SNAP91: variants seen among roughly 807,000 people sequenced by gnomAD.
SNAP91 encodes synaptosome associated protein 91, also known as clathrin coat assembly protein AP180.
In SNAP91, 27 loss-of-function variants were observed where a neutral mutation model predicts 100.3. The observed-to-expected ratio is 0.27, with a 90% CI of 0.20 to 0.37. SNAP91 has a LOEUF of 0.37. Ranked by LOEUF, SNAP91 falls within the 10% of genes least tolerant of loss-of-function variation. SNAP91 has a pLI of 1.00. For synonymous variants in SNAP91, 404 were observed against 398.6 expected (o/e 1.01, Z -0.16); for missense variants, 986 against 1,123.7 (o/e 0.88, Z 1.75).
intron 2 of SNAP91, among the ~76,000 whole-genome samples, chr6:83,665,930 C>T (rs1475726738): frequency 1.3e-5 from 2 of 152,076 alleles, no homozygotes; most frequent in Non-Finnish European, 2.9e-5. Context: ...GCTATAAGCA[C>T]AATGTCTCAA....
Position 83,593,479 on chromosome 6 carries a change from A to G in SNAP91, c.1695T>C (p.Gly565=). Residue 565 remains glycine, a splice_region_variant and synonymous_variant, in exon 18 of 30, where the codon GGT becomes GGC. Transcript: ENST00000369694. ...TTAPPALDIF[G]DLFESTPEVA... ...TCGACAACAATAACAAAAAATTACC[A>G]CCAAAGATATCTAGAGCAGGAGGAG... is the stretch of plus-strand genomic sequence containing the variant. The G allele has an allele frequency of 6.5e-7, 1 of 1,550,310 alleles. No homozygotes were observed. Among genetic ancestry groups the G allele is most frequent in the Non-Finnish European group, 8.7e-7 (1 of 1,145,812 alleles).
intron 8 of SNAP91, 138 bp downstream of exon 8, chr6:83,640,958 A>G (rs963244938): frequency 1.0e-5 from 5 of 480,744 alleles, no homozygotes; most frequent in Non-Finnish European, 1.8e-5. Flanking sequence ...GTCACTTCCA[A>G]CCTTAATATA....
At chr6:83,602,889 C>G (rs555355201) in intron 14 of SNAP91, among the ~76,000 whole-genome samples, 1 of 152,014 alleles carries the variant, frequency 6.6e-6, no homozygotes, top group African/African-American at 2.4e-5. Context: ...ATAATGCATG[C>G]GGGGCTTAAA....
At chr6:83,630,841 G>A (rs1302663534) in intron 8 of SNAP91, among the ~76,000 whole-genome samples, 1 of 150,096 alleles carries the variant, frequency 6.7e-6, no homozygotes, top group African/African-American at 2.4e-5. Context: ...ACTTCATTTA[G>A]TTTTGCTCTG....
intron 16 of SNAP91, among the ~76,000 whole-genome samples, chr6:83,596,361 C>G (rs1051431594): frequency 3.9e-5 from 6 of 152,176 alleles, no homozygotes; most frequent in Admixed American, 6.5e-5. Context: ...TAGAGCAACA[C>G]ACCCTCTACA....
chr6:83,603,080 G>A (rs943540032), intron 14 of SNAP91, among the ~76,000 whole-genome samples: 5 of 152,142 alleles, frequency 3.3e-5, no homozygotes, highest in African/African-American at 1.2e-4. Flanking sequence ...TCTTGGGTAA[G>A]TGTAGTGATG....
chr6:83,690,481 T>G, intron 2 of SNAP91: 4 of 1,133,650 alleles, frequency 3.5e-6, no homozygotes, highest in Non-Finnish European at 4.7e-6. Flanking sequence ...AAGAAAATAC[T>G]CAACTCTCTG....
In SNAP91 at chr6:83,576,053, T is replaced by G. The variant is rs994699103; in HGVS notation, c.2300A>C (p.Asn767Thr). The G allele has an allele frequency of 7.3e-7, 1 of 1,375,606 alleles. No individual in the cohort carries two copies. The allele number at this position is 1,375,606 out of a possible 1,614,324, so 85.2% of individuals were successfully genotyped here. A position where few individuals can be genotyped will look rare whatever the true frequency, so the allele number is the denominator to read the frequency against. The change falls in exon 25 of 30, where the codon AAT becomes ACT. Residue 767 changes from asparagine to threonine, a missense_variant and splice_region_variant. Asn to Thr is a moderately conservative substitution (Grantham distance 65). Transcript: ENST00000369694. The part of the protein sequence containing the change: ...LDSSLASLVG[N>T]LGISGTTTKK... ...TGTTGTGGTACCAGAAATTCCAAGATCTATAAATGGATAAAAGAAAAAAGA... is the reference window on the plus strand; with the variant it reads ...TGTTGTGGTACCAGAAATTCCAAGAGCTATAAATGGATAAAAGAAAAAAGA...
chr6:83,691,504 A>G (rs1036469961), intron 2 of SNAP91, among the ~76,000 whole-genome samples: 2 of 152,158 alleles, frequency 1.3e-5, no homozygotes, highest in East Asian at 3.8e-4. Flanking sequence ...TTTTCTAATT[A>G]ACTTCCCTAC....
chr6:83,700,473 G>A (rs1241575785), intron 2 of SNAP91, among the ~76,000 whole-genome samples: 4 of 151,902 alleles, frequency 2.6e-5, no homozygotes. Context: ...CAAGTTCTGA[G>A]CTGGGTATTT....
At chr6:83,660,111 A>G (rs2098510195) in intron 5 of SNAP91, among the ~76,000 whole-genome samples, 1 of 152,218 alleles carries the variant, frequency 6.6e-6, no homozygotes, top group Admixed American at 6.5e-5. Flanking sequence ...TCCCAGACCA[A>G]CAGTGGAGAA....
chr6:83,596,066 A>G (rs2094441952), intron 16 of SNAP91, among the ~76,000 whole-genome samples: 1 of 152,130 alleles, frequency 6.6e-6, no homozygotes, highest in Admixed American at 6.5e-5. Flanking sequence ...CAATTTATTT[A>G]TTATTAGAGA....
chr6:83,665,479 G>A lies in SNAP91; in HGVS notation c.233C>T (p.Ala78Val). 6.2e-7 allele frequency: 1 copy of A among 1,612,782 alleles called. No individual in the cohort carries two copies. The highest frequency in any genetic ancestry group is 8.5e-7 in the Non-Finnish European group (1 of 1,179,184). ...CATGAGATGATGTGTTGTCACTAAA[G>A]CCTTAAACACAACCACCCAGCTACT... ...TNSSWVVVFK[A>V]LVTTHHLMVH... Residue 78 changes from alanine to valine, a missense_variant, in exon 3 of 30, where the codon GCT becomes GTT. Ala to Val is a moderately conservative substitution (Grantham distance 64, BLOSUM62 0). Coordinates refer to ENST00000369694, the MANE Select transcript of SNAP91 (RefSeq NM_001242792.2).
chr6:83,642,721 A>G lies in SNAP91; in HGVS notation c.659-1519T>C, dbSNP rs1451467956. Reference sequence around the variant, plus strand: ...TATATACCCAGTAATGGGATGGCTGAGTCAAATGGTATTTCTAGTTCTAGA... The same window carrying G: ...TATATACCCAGTAATGGGATGGCTGGGTCAAATGGTATTTCTAGTTCTAGA... On this transcript the variant is annotated intron_variant, in intron 7 of 29. Coordinates refer to ENST00000369694, the MANE Select transcript of SNAP91 (RefSeq NM_001242792.2). Among the ~76,000 whole-genome samples the G allele has an allele frequency of 5.3e-5, 8 of 152,244 alleles. No homozygotes were observed. The East Asian group carries it at 1.2e-3, about 22-fold the overall frequency.
At chr6:83,703,494 T>A (rs1406830180) in intron 2 of SNAP91, among the ~76,000 whole-genome samples, 3 of 152,202 alleles carry the variant, frequency 2.0e-5, no homozygotes, top group Non-Finnish European at 4.4e-5. Flanking sequence ...TTCGTTCTAT[T>A]TTTACTCACA....
intron 7 of SNAP91, among the ~76,000 whole-genome samples, chr6:83,647,774 T>A (rs2098005420): frequency 6.6e-6 from 1 of 152,186 alleles, no homozygotes; most frequent in African/African-American, 2.4e-5. Context: ...ACAAGCAAGG[T>A]ACATGTCAGT....
chr6:83,594,463 G>A lies in SNAP91; in HGVS notation c.1343C>T (p.Pro448Leu). ...TTCGGATGCTGCAGGGGCCTCCCCA[G>A]GAGAAGCTGCAAAGGCATCTTGGGT... The part of the protein sequence containing the change: ...DLFGDAFAAS[P>L]GEAPAASEGA... The change falls in exon 17 of 30, where the codon CCT (proline) becomes CTT (leucine). Residue 448 changes from proline to leucine, a missense_variant. By Grantham distance (98) the Pro-to-Leu change is moderately conservative (BLOSUM62 -3). Transcript: ENST00000369694. 1 of 1,525,334 alleles carries A rather than the reference G, an allele frequency of 6.6e-7. No homozygotes were observed. Among genetic ancestry groups the A allele is most frequent in the Non-Finnish European group, 8.8e-7 (1 of 1,139,412 alleles). 94.5% of individuals were successfully genotyped at this position (1,525,334 alleles called of 1,614,324 possible). A position where few individuals can be genotyped will look rare whatever the true frequency, so the allele number is the denominator to read the frequency against.
At chr6:83,625,087 C>G (rs1201813475) in intron 8 of SNAP91, among the ~76,000 whole-genome samples, 2 of 151,946 alleles carry the variant, frequency 1.3e-5, no homozygotes, top group Admixed American at 6.6e-5. Flanking sequence ...CTGTTCTCAT[C>G]TGCATGTGTG....
At chr6:83,604,423 C>G (rs1437587773) in intron 14 of SNAP91, among the ~76,000 whole-genome samples, 1 of 152,044 alleles carries the variant, frequency 6.6e-6, no homozygotes, top group Non-Finnish European at 1.5e-5. Flanking sequence ...AAAATGGAAA[C>G]GTGCCAACAT....
Sources: gnomAD v4.1 joint callset for allele counts (sites outside exome capture counted in the v4.1 genomes callset) on GRCh38, gnomAD v4.1.1 for gene constraint, MANE v1.5 for transcripts, NCBI Gene and HGNC (gene_info 2026-07-23, HGNC 2026-07-21) for gene names.